Variants in CHD7 observed in about 807,000 individuals in gnomAD.
CHD7 encodes the protein chromodomain helicase DNA binding protein 7, also known as ATP-dependent chromatin remodeler CHD7.
In CHD7, 24 loss-of-function variants were observed where a neutral mutation model predicts 307.3. That is an observed-to-expected ratio of 0.08 (90% CI 0.06 to 0.11). The LOEUF is 0.11. Among genes scored for constraint, CHD7 ranks in the 10% least tolerant of loss-of-function variants. The pLI is 1.00. For missense variants in CHD7, 3,106 were observed against 3,727.1 expected (o/e 0.83, Z 4.34); for synonymous variants, 1,363 against 1,349.9 (o/e 1.01, Z -0.21).
Position 60,825,989 on chromosome 8 carries a change from GC to G in CHD7, c.3378+1979del, listed in dbSNP as rs571402372. 5.9e-5 allele frequency among the ~76,000 whole-genome samples: 9 copies of G among 151,704 alleles called. No homozygotes were observed. In the East Asian group the frequency reaches 1.7e-3, roughly 29 times the overall value. On this transcript the variant is annotated intron_variant, in intron 13 of 37. Transcript: ENST00000423902. The stretch of plus-strand genomic sequence containing the variant: ...TTCTCCTAATGCTATCCCTCCCCCA[GC>G]CCCCCACAATCTTTGGGCTATTTCA...
At chr8:60,698,666 A>G (rs1169485864) in intron 1 of CHD7, among the ~76,000 whole-genome samples, 1 of 152,222 alleles carries the variant, frequency 6.6e-6, no homozygotes, top group African/African-American at 2.4e-5. Context: ...ATTGAACTAT[A>G]GTTAATATTG....
intron 2 of CHD7, among the ~76,000 whole-genome samples, chr8:60,751,476 T>C (rs2150597720): frequency 6.6e-6 from 1 of 152,302 alleles, no homozygotes; most frequent in Non-Finnish European, 1.5e-5. Context: ...ATCTGGAGAA[T>C]TTACCCTAGC....
intron 2 of CHD7, among the ~76,000 whole-genome samples, chr8:60,767,059 A>G (rs1163437458): frequency 6.6e-6 from 1 of 152,250 alleles, no homozygotes; most frequent in East Asian, 1.9e-4. Flanking sequence ...GCTGTCCTGC[A>G]TGTCATGCGA....
chr8:60,716,753 A>G (rs550405249), intron 1 of CHD7, among the ~76,000 whole-genome samples: 11 of 152,344 alleles, frequency 7.2e-5, no homozygotes, highest in African/African-American at 2.6e-4. Context: ...ATGTTTACTG[A>G]TGCATCTCCA....
At chr8:60,726,698 A>G (rs1586223019) in intron 1 of CHD7, among the ~76,000 whole-genome samples, 1 of 152,238 alleles carries the variant, frequency 6.6e-6, no homozygotes, top group Non-Finnish European at 1.5e-5. Flanking sequence ...GTTCAGAATC[A>G]GTCTCAGACC....
intron 1 of CHD7, among the ~76,000 whole-genome samples, chr8:60,698,781 T>C (rs999287091): frequency 6.6e-6 from 1 of 152,222 alleles, no homozygotes; most frequent in African/African-American, 2.4e-5. Context: ...TCTTCTCTTC[T>C]CTTTCTCTTT....
At chr8:60,821,967 AG>A in intron 10 of CHD7, 40 bp downstream of exon 10, 1 of 1,613,420 alleles carries the variant, frequency 6.2e-7, no homozygotes, top group East Asian at 2.2e-5. Context: ...ATTTGAAAAT[AG>A]CATAGTGGTG....
At chr8:60,815,963 CAAT>C (rs1228665467) in intron 7 of CHD7, among the ~76,000 whole-genome samples, 3 of 152,202 alleles carry the variant, frequency 2.0e-5, no homozygotes, top group African/African-American at 7.2e-5. Flanking sequence ...ACCTATTTCT[CAAT>C]GATAAGAGGT....
At chr8:60,702,070 G>T (rs1425305399) in intron 1 of CHD7, among the ~76,000 whole-genome samples, 1 of 152,214 alleles carries the variant, frequency 6.6e-6, no homozygotes, top group Non-Finnish European at 1.5e-5. Context: ...CCACTCACTA[G>T]CTTTGTGATT....
At chr8:60,840,411 C>T (rs1804921063) in intron 19 of CHD7, among the ~76,000 whole-genome samples, 1 of 152,212 alleles carries the variant, frequency 6.6e-6, no homozygotes, top group Admixed American at 6.5e-5. Flanking sequence ...TGACATCATT[C>T]AGATGCCTGA....
chr8:60,715,326 CTTT>C (rs11376102), intron 1 of CHD7, among the ~76,000 whole-genome samples: 1 of 125,888 alleles, frequency 7.9e-6, no homozygotes, highest in Non-Finnish European at 1.7e-5. Flanking sequence ...AGGGCTCTGC[CTTT>C]TTTTTTTTTT....
At position 60,852,187 on chromosome 8, in the gene CHD7, G is replaced by A. The variant is rs374040699; in HGVS notation, c.5834G>A (p.Arg1945Gln). The change falls in exon 29 of 38, where the codon CGA (arginine) becomes CAA (glutamine). Residue 1945 changes from arginine (R) to glutamine (Q), a missense_variant. This residue lies in a region of CHD7 where 1,030 missense variants were observed against 1,165.4 expected (regional missense o/e 0.88). Transcript: ENST00000423902. Reference sequence around the variant, plus strand: ...ACTGACCGGCGCAGACGGCGGCCTCGAGAGGAAGTGAGAGCTCTGGAAGCG... The same window carrying A: ...ACTGACCGGCGCAGACGGCGGCCTCAAGAGGAAGTGAGAGCTCTGGAAGCG... ...MKTDRRRRRP[R>Q]EEVRALEAER... 32 of 1,613,752 alleles carry A rather than the reference G, an allele frequency of 2.0e-5. No individual in the cohort carries two copies. The highest frequency in any genetic ancestry group is 3.3e-4 in the Middle Eastern group (2 of 6,082).
intron 32 of CHD7, among the ~76,000 whole-genome samples, chr8:60,854,887 A>G (rs1449219182): frequency 1.3e-5 from 2 of 152,226 alleles, no homozygotes; most frequent in African/African-American, 4.8e-5. Flanking sequence ...TTCAGATTTA[A>G]GACAACTTTA....
chr8:60,736,199 A>G (rs2150569590), intron 1 of CHD7, among the ~76,000 whole-genome samples: 1 of 152,268 alleles, frequency 6.6e-6, no homozygotes, highest in South Asian at 2.1e-4. Flanking sequence ...CTGATTCTTT[A>G]TCCAGGTTCT....
chr8:60,711,650 T>C (rs886099535), intron 1 of CHD7, among the ~76,000 whole-genome samples: 1 of 152,218 alleles, frequency 6.6e-6, no homozygotes, highest in African/African-American at 2.4e-5. Context: ...AAGCATACGA[T>C]TTGGAAGATG....
intron 4 of CHD7, 132 bp downstream of exon 4, chr8:60,795,259 C>A: frequency 1.2e-6 from 1 of 836,188 alleles, no homozygotes; most frequent in South Asian, 2.3e-5. Flanking sequence ...TAGTCTGGAA[C>A]ATTATCTCCA....
rs1064794548 is a variant in CHD7 at position 60,852,598 on chromosome 8, G to A, written c.5995G>A (p.Ala1999Thr). 2 of 1,613,912 alleles carry A rather than the reference G, an allele frequency of 1.2e-6. No homozygotes were observed. Among genetic ancestry groups the A allele is most frequent in the Non-Finnish European group, 1.7e-6 (2 of 1,179,866 alleles). Residue 1999 changes from alanine (A) to threonine (T), a missense_variant, in exon 30 of 38, where the codon GCC (alanine) becomes ACC (threonine). Physicochemically the swap from Ala to Thr is moderately conservative, Grantham distance 58. Transcript: ENST00000423902. ...KQQFDWNQFRAFARLDKKSDE... is the reference protein window; with the variant it reads ...KQQFDWNQFRTFARLDKKSDE... ...GCAATTTGACTGGAACCAATTTAGA[G>A]CCTTTGCCAGGCTTGACAAAAAATC... is the stretch of plus-strand genomic sequence containing the variant.
chr8:60,849,175 A>G (rs371395128), intron 25 of CHD7, 21 bp downstream of exon 25: 1 of 1,452,220 alleles, frequency 6.9e-7, no homozygotes, highest in Non-Finnish European at 9.7e-7. Flanking sequence ...TTTCTGTTTG[A>G]ATACATCTCA....
chr8:60,857,918 T>G (rs1326028962), intron 34 of CHD7, among the ~76,000 whole-genome samples: 1 of 152,138 alleles, frequency 6.6e-6, no homozygotes, highest in African/African-American at 2.4e-5. Context: ...TGCCCTCTGG[T>G]GGGGTCTAAT....
Sources: allele counts gnomAD v4.1 joint callset (sites outside exome capture counted in the v4.1 genomes callset), GRCh38; gene constraint gnomAD v4.1.1; regional missense constraint gnomAD v4.1.1; transcripts MANE v1.5; gene names NCBI Gene and HGNC (gene_info 2026-07-23, HGNC 2026-07-21).